KXD1: variants seen among roughly 807,000 people sequenced by gnomAD.
KXD1 encodes kxDL motif-containing protein 1.
KXD1 carries 5 observed loss-of-function variants against 12.1 expected under a neutral mutation model. The ratio of observed to expected loss-of-function variants is 0.41; its 90% confidence interval spans 0.22 to 0.87. The LOEUF is 0.87. KXD1 is among the 40% of genes least tolerant of loss of function. The pLI is 0.31. For synonymous variants in KXD1, 98 were observed against 100.5 expected, an observed-to-expected ratio of 0.98 and a Z score of 0.15; for missense variants, 193 against 244.9, an observed-to-expected ratio of 0.79 and a Z score of 1.41.
At chr19:18,564,079 G>A (rs1208328621) in intron 2 of KXD1, among the ~76,000 whole-genome samples, 1 of 151,974 alleles carries the variant, frequency 6.6e-6, no homozygotes, top group Non-Finnish European at 1.5e-5. Flanking sequence ...TAGAGACGCG[G>A]TTTTCCCATG....
At chr19:18,558,721 A>G (rs1474000436) in intron 1 of KXD1, 1 of 152,090 alleles carries the variant, frequency 6.6e-6, no homozygotes, top group Non-Finnish European at 1.5e-5. Flanking sequence ...CAATAAATCT[A>G]CATTTGGAGT....
At chr19:18,566,636 C>CA (rs1176736797) in intron 3 of KXD1, among the ~76,000 whole-genome samples, 1 of 150,986 alleles carries the variant, frequency 6.6e-6, no homozygotes, top group African/African-American at 2.4e-5. Context: ...ACTAAAAATA[C>CA]AAAAAAATCA....
At chr19:18,567,892 A>G (rs1420635128) in intron 4 of KXD1, among the ~76,000 whole-genome samples, 1 of 152,112 alleles carries the variant, frequency 6.6e-6, no homozygotes, top group Non-Finnish European at 1.5e-5. Flanking sequence ...CTAACCCCAG[A>G]TCTTGTGTCC....
intron 1 of KXD1, chr19:18,558,368 G>C (rs1225316653): frequency 6.6e-6 from 1 of 152,158 alleles, no homozygotes; most frequent in Admixed American, 6.6e-5. Flanking sequence ...TTTCGGCAAC[G>C]GAGCCCGCCC....
chr19:18,563,922 T>C (rs962986071), intron 2 of KXD1, among the ~76,000 whole-genome samples: 2 of 150,856 alleles, frequency 1.3e-5, no homozygotes, highest in Non-Finnish European at 3.0e-5. Context: ...AGTTTCGCAC[T>C]GTCACCCAGG....
intron 2 of KXD1, among the ~76,000 whole-genome samples, chr19:18,563,646 G>C (rs1975043860): frequency 6.6e-6 from 1 of 152,034 alleles, no homozygotes; most frequent in African/African-American, 2.4e-5. Context: ...TGGGACTACA[G>C]GTGTGCGCCA....
intron 2 of KXD1, among the ~76,000 whole-genome samples, chr19:18,564,017 G>C (rs1461056511): frequency 6.6e-6 from 1 of 152,056 alleles, no homozygotes. Context: ...CTCCCGAGTA[G>C]CTGGGATTAC....
intron 4 of KXD1, among the ~76,000 whole-genome samples, chr19:18,567,522 C>G (rs1179457223): frequency 6.6e-6 from 1 of 152,202 alleles, no homozygotes; most frequent in Non-Finnish European, 1.5e-5. Flanking sequence ...TTCCCTGAGC[C>G]CCAGCTTCGA....
intron 2 of KXD1, among the ~76,000 whole-genome samples, chr19:18,562,975 C>T (rs1159074354): frequency 2.0e-5 from 3 of 152,254 alleles, no homozygotes; most frequent in East Asian, 1.9e-4. Context: ...GTCCAACCCT[C>T]GGCCTGTCCA....
intron 3 of KXD1, chr19:18,565,245 T>G: frequency 1.6e-6 from 2 of 1,274,902 alleles, no homozygotes; most frequent in South Asian, 2.0e-5. Flanking sequence ...TTTTTTTTTT[T>G]TGGAGACGGA....
chr19:18,568,267 A>G, intron 4 of KXD1, 135 bp from the exon 5 acceptor site: 1 of 209,480 alleles, frequency 4.8e-6, no homozygotes, highest in Non-Finnish European at 9.4e-6. Flanking sequence ...CTCCGTCTCA[A>G]AAAAAAAAAA....
At chr19:18,565,258 C>T in intron 3 of KXD1, 1 of 1,201,650 alleles carries the variant, frequency 8.3e-7, no homozygotes, top group Non-Finnish European at 1.1e-6. Context: ...GAGACGGAGT[C>T]TCGCTCTGTT....
At chr19:18,561,014 C>T (rs1414437013) in intron 1 of KXD1, among the ~76,000 whole-genome samples, 3 of 152,066 alleles carry the variant, frequency 2.0e-5, no homozygotes, top group African/African-American at 7.2e-5. Flanking sequence ...CACCTCTGCT[C>T]TTTTGGAGCT....
At position 18,568,538 on chromosome 19, in the gene KXD1, C is replaced by T. The variant is rs1300264315; in HGVS notation, c.438C>T (p.Ser146=). The part of the protein sequence containing the change: ...TSPDTVSPSL[S]PGFEDLSHVQ... ...CCGACACCGTCTCGCCCTCCCTGAGCCCCGGCTTCGAGGACCTGTCCCATG... is the reference window on the plus strand; with the variant it reads ...CCGACACCGTCTCGCCCTCCCTGAGTCCCGGCTTCGAGGACCTGTCCCATG... The change falls in exon 5 of 5, where the codon AGC becomes AGT. Residue 146 remains serine, a synonymous_variant. Transcript: ENST00000222307. The T allele has an allele frequency of 6.2e-7, 1 of 1,614,040 alleles. No homozygotes were observed. The highest frequency in any genetic ancestry group is 1.3e-5 in the African/African-American group (1 of 75,056).
At position 18,567,238 on chromosome 19, in the gene KXD1, C is replaced by T. The variant is rs756162368; in HGVS notation, c.301+60C>T. 18 of 1,567,932 alleles carry T rather than the reference C, an allele frequency of 1.1e-5. 1 individual carries two copies. The Admixed American group carries it at 2.0e-4, about 18-fold the overall frequency. Reference sequence around the variant, plus strand: ...GTCAGCACTCTCCACCCAGGGCAGGCTTCTGGAAGGCCACCTTGGGGCCTG... The same window carrying T: ...GTCAGCACTCTCCACCCAGGGCAGGTTTCTGGAAGGCCACCTTGGGGCCTG... On this transcript the variant is annotated intron_variant, in intron 4 of 4. Transcript: ENST00000222307.
At chr19:18,559,530 A>G (rs958700544) in intron 1 of KXD1, 7 of 152,090 alleles carry the variant, frequency 4.6e-5, no homozygotes, top group African/African-American at 1.7e-4. Flanking sequence ...CAATGAGGCA[A>G]TTTCCCAGAA....
intron 1 of KXD1, chr19:18,560,142 C>T (rs1397099097): frequency 2.0e-5 from 3 of 152,084 alleles, no homozygotes; most frequent in Non-Finnish European, 4.4e-5. Flanking sequence ...GTAGCTGCGA[C>T]TACAGGTGCC....
At chr19:18,568,251 G>A (rs1325394035) in intron 4 of KXD1, 151 bp from the exon 5 acceptor site, 1 of 655,046 alleles carries the variant, frequency 1.5e-6, no homozygotes, top group Non-Finnish European at 2.7e-6. Flanking sequence ...TGGGCAAAGA[G>A]CGAAACTCCG....
At position 18,568,799 on chromosome 19, in the gene KXD1, G is replaced by C; in HGVS notation, c.*168G>C. The C allele has an allele frequency of 1.7e-6, 1 of 602,098 alleles. No homozygotes were observed. The highest frequency in any genetic ancestry group is 2.9e-6 in the Non-Finnish European group (1 of 340,252). 37.3% of individuals were successfully genotyped at this position (602,098 alleles called of 1,614,324 possible). Reference sequence around the variant, plus strand: ...CCGAGGGGTGTGGAATTCCTGGGGGGGTCTTTAATTCTGGCTCCTTCCTTC... The same window carrying C: ...CCGAGGGGTGTGGAATTCCTGGGGGCGTCTTTAATTCTGGCTCCTTCCTTC... On this transcript the variant is annotated 3_prime_UTR_variant, in exon 5 of 5. Coordinates refer to ENST00000222307, the MANE Select transcript of KXD1 (RefSeq NM_024069.4).
Sources: gnomAD v4.1 joint callset for allele counts (sites outside exome capture counted in the v4.1 genomes callset) on GRCh38, gnomAD v4.1.1 for gene constraint, MANE v1.5 for transcripts, NCBI Gene and HGNC (gene_info 2026-07-23, HGNC 2026-07-21) for gene names.